Variants in FAM135B observed in about 807,000 individuals in gnomAD.
The protein encoded by FAM135B is protein FAM135B.
A neutral mutation model predicts 127.7 loss-of-function variants in FAM135B; 43 were observed. That is an observed-to-expected ratio of 0.34 (90% CI 0.26 to 0.43). The LOEUF (loss-of-function observed/expected upper bound fraction) is 0.43. Ranked by LOEUF, FAM135B falls within the 20% of genes least tolerant of loss-of-function variation. The pLI, the probability that FAM135B is intolerant of heterozygous loss-of-function variation, is 1.00. For synonymous variants in FAM135B, 670 were observed against 665.1 expected (o/e 1.01, Z -0.11); for missense variants, 1,558 against 1,725.6 (o/e 0.90, Z 1.72).
At chr8:138,267,997 C>T (rs143314118) in intron 3 of FAM135B, among the ~76,000 whole-genome samples, 22 of 152,124 alleles carry the variant, frequency 1.4e-4, no homozygotes, top group Admixed American at 4.6e-4. Context: ...AATGTGGCAG[C>T]GGGTGGATGG....
chr8:138,263,986 C>T (rs953437869), intron 4 of FAM135B, among the ~76,000 whole-genome samples: 1 of 152,108 alleles, frequency 6.6e-6, no homozygotes, highest in African/African-American at 2.4e-5. Flanking sequence ...TTTCTATTGC[C>T]CAAGAATAAG....
chr8:138,444,111 T>A (rs995820424), intron 1 of FAM135B, among the ~76,000 whole-genome samples: 3 of 152,146 alleles, frequency 2.0e-5, no homozygotes, highest in Non-Finnish European at 4.4e-5. Flanking sequence ...CCATCTTAAA[T>A]ACATATGCAC....
chr8:138,161,299 C>T (rs551553620), intron 12 of FAM135B, among the ~76,000 whole-genome samples: 1 of 151,990 alleles, frequency 6.6e-6, no homozygotes, highest in Non-Finnish European at 1.5e-5. Context: ...TTTAGGTAAG[C>T]CATTATCTCT....
chr8:138,237,035 C>T (rs1417366656), intron 7 of FAM135B, among the ~76,000 whole-genome samples: 1 of 152,162 alleles, frequency 6.6e-6, no homozygotes, highest in Non-Finnish European at 1.5e-5. Flanking sequence ...ACCAGGCTGC[C>T]ATTCCTCCGT....
intron 1 of FAM135B, among the ~76,000 whole-genome samples, chr8:138,470,748 A>C (rs1423714681): frequency 1.3e-5 from 2 of 152,108 alleles, no homozygotes; most frequent in Admixed American, 6.5e-5. Context: ...TGAGGACATC[A>C]CTCCAACTTG....
chr8:138,376,894 T>G (rs1383778342), intron 1 of FAM135B, among the ~76,000 whole-genome samples: 3 of 152,234 alleles, frequency 2.0e-5, no homozygotes, highest in Non-Finnish European at 2.9e-5. Flanking sequence ...ATCTTAACTT[T>G]AGAGGTTCTG....
At chr8:138,222,041 G>C (rs1358368413) in intron 7 of FAM135B, among the ~76,000 whole-genome samples, 1 of 152,128 alleles carries the variant, frequency 6.6e-6, no homozygotes, top group Non-Finnish European at 1.5e-5. Context: ...GCAAGGACAG[G>C]TGCAAAGAGA....
intron 1 of FAM135B, among the ~76,000 whole-genome samples, chr8:138,465,575 T>C (rs908631895): frequency 2.0e-5 from 3 of 152,152 alleles, no homozygotes; most frequent in Non-Finnish European, 4.4e-5. Flanking sequence ...CTCTAAGTGT[T>C]TGAGGCTTGT....
intron 1 of FAM135B, among the ~76,000 whole-genome samples, chr8:138,457,132 C>T (rs1056784741): frequency 2.6e-5 from 4 of 152,010 alleles, no homozygotes; most frequent in Middle Eastern, 3.4e-3. Context: ...CAACCCTCCA[C>T]GCTAGACCTA....
At chr8:138,371,033 G>C (rs1162565271) in intron 1 of FAM135B, among the ~76,000 whole-genome samples, 2 of 152,188 alleles carry the variant, frequency 1.3e-5, no homozygotes, top group African/African-American at 4.8e-5. Flanking sequence ...GTTTTCACAA[G>C]TTCCCCAGGG....
intron 2 of FAM135B, among the ~76,000 whole-genome samples, chr8:138,344,638 C>T (rs1044140432): frequency 4.4e-5 from 6 of 137,006 alleles, no homozygotes; most frequent in African/African-American, 1.1e-4. Flanking sequence ...TGCAGTGGCG[C>T]GATCTCAGCT....
intron 1 of FAM135B, among the ~76,000 whole-genome samples, chr8:138,401,664 A>G (rs1196041683): frequency 1.3e-5 from 2 of 152,240 alleles, no homozygotes; most frequent in African/African-American, 4.8e-5. Flanking sequence ...TGGGACCTGG[A>G]AAAGCAATGG....
intron 19 of FAM135B, among the ~76,000 whole-genome samples, chr8:138,136,243 C>A (rs2130528426): frequency 6.6e-6 from 1 of 152,056 alleles, no homozygotes; most frequent in South Asian, 2.1e-4. Context: ...AGCACCAAAT[C>A]TTTGGACCTT....
chr8:138,183,026 C>A (rs539228544), intron 9 of FAM135B, among the ~76,000 whole-genome samples: 1 of 151,942 alleles, frequency 6.6e-6, no homozygotes, highest in East Asian at 1.9e-4. Flanking sequence ...TGCATACACA[C>A]TCAGGCACAC....
At position 138,151,576 on chromosome 8, in the gene FAM135B, C is replaced by T. The variant is rs2130734657; in HGVS notation, c.2899G>A (p.Ala967Thr). ...AAGGCATTCACTCCTCTATTAAATG[C>T]TGTGTCATCCATAATGCAAGGTGAA... ...SGSPCIMDDTAFNRGVNAFPE... is the reference protein window; with the variant it reads ...SGSPCIMDDTTFNRGVNAFPE... The change falls in exon 13 of 20, where the codon GCA (alanine) becomes ACA (threonine). Residue 967 changes from alanine to threonine, a missense_variant. This residue lies in a region of FAM135B where 923 missense variants were observed against 865.3 expected (regional missense o/e 1.07). Transcript: ENST00000395297. The T allele has an allele frequency of 1.9e-6, 3 of 1,614,202 alleles. No individual in the cohort carries two copies. Among genetic ancestry groups the T allele is most frequent in the Admixed American group, 1.7e-5 (1 of 60,032 alleles).
chr8:138,417,932 G>C (rs1834259509), intron 1 of FAM135B, among the ~76,000 whole-genome samples: 1 of 152,082 alleles, frequency 6.6e-6, no homozygotes, highest in Non-Finnish European at 1.5e-5. Flanking sequence ...TCCCAGCAAT[G>C]GTTCTTAACC....
chr8:138,159,442 A>C (rs929820584), intron 12 of FAM135B, among the ~76,000 whole-genome samples: 4 of 151,254 alleles, frequency 2.6e-5, no homozygotes, highest in African/African-American at 9.7e-5. Flanking sequence ...GGATGAATTC[A>C]TGTCCTTTGT....
intron 2 of FAM135B, among the ~76,000 whole-genome samples, chr8:138,347,825 T>G (rs957712513): frequency 2.0e-5 from 3 of 152,060 alleles, no homozygotes; most frequent in Non-Finnish European, 4.4e-5. Context: ...ACCAGCAGGG[T>G]TACCTCGAGT....
intron 1 of FAM135B, among the ~76,000 whole-genome samples, chr8:138,486,050 A>G (rs1419595324): frequency 6.6e-6 from 1 of 151,948 alleles, no homozygotes; most frequent in East Asian, 2.0e-4. Flanking sequence ...CAGGTACCAA[A>G]ATGATCAGTG....
Sources: gnomAD v4.1 joint callset for allele counts (sites outside exome capture counted in the v4.1 genomes callset) on GRCh38, gnomAD v4.1.1 for gene constraint, gnomAD v4.1.1 regional missense constraint, MANE v1.5 for transcripts, NCBI Gene and HGNC (gene_info 2026-07-23, HGNC 2026-07-21) for gene names.